Variants in DNM3 observed in about 807,000 individuals in gnomAD.
DNM3 encodes the protein dynamin 3, also known as dynamin-3.
A neutral mutation model predicts 101.6 loss-of-function variants in DNM3; 47 were observed. The observed-to-expected ratio is 0.46, with a 90% CI of 0.37 to 0.59. The LOEUF (loss-of-function observed/expected upper bound fraction) is 0.59. DNM3 is among the 20% of genes least tolerant of loss of function. The probability of loss-of-function intolerance (pLI) is 0.00; values close to 1 mark genes in which losing one functional copy is unlikely to be tolerated. For synonymous variants in DNM3, 385 were observed against 387.9 expected, an observed-to-expected ratio of 0.99 and a Z score of 0.09; for missense variants, 849 against 1,085.7, an observed-to-expected ratio of 0.78 and a Z score of 3.06.
chr1:172,094,558 C>T (rs2054120498), intron 13 of DNM3, among the ~76,000 whole-genome samples: 2 of 152,212 alleles, frequency 1.3e-5, no homozygotes, highest in Non-Finnish European at 2.9e-5. Flanking sequence ...CCTGAGTTTG[C>T]TCAGCTGTGT....
intron 13 of DNM3, among the ~76,000 whole-genome samples, chr1:172,123,755 T>A (rs1255864890): frequency 6.6e-6 from 1 of 152,152 alleles, no homozygotes; most frequent in Non-Finnish European, 1.5e-5. Context: ...CAAGAGTGCC[T>A]CTCCATTCCT....
At chr1:171,987,878 G>A (rs901071139) in intron 3 of DNM3, 73 bp downstream of exon 3, 7 of 1,375,584 alleles carry the variant, frequency 5.1e-6, no homozygotes, top group Non-Finnish European at 6.7e-6. Context: ...TACATCATTT[G>A]TACAGAAGAT....
downstream of DNM3, among the ~76,000 whole-genome samples, chr1:172,416,813 C>T (rs2071443444): frequency 6.6e-6 from 1 of 152,306 alleles, no homozygotes; most frequent in Non-Finnish European, 1.5e-5. Flanking sequence ...TACCCATTAC[C>T]TGGATCTCTA....
At chr1:172,293,547 T>G (rs1158819471) in intron 15 of DNM3, among the ~76,000 whole-genome samples, 1 of 152,210 alleles carries the variant, frequency 6.6e-6, no homozygotes, top group African/African-American at 2.4e-5. Context: ...CAGTACAAAT[T>G]GCTGTGGGTT....
intron 14 of DNM3, among the ~76,000 whole-genome samples, chr1:172,188,543 C>T (rs1259474187): frequency 6.6e-6 from 1 of 152,058 alleles, no homozygotes. Context: ...ATTCCATTGT[C>T]TGGTTGTACC....
In DNM3 at chr1:172,245,088, T is replaced by C. The variant is rs539044879; in HGVS notation, c.1660-8485T>C. ...CCAGCCCAGGAGGGGGCTGTTCATATGTTCATTCAGCAAGTGTTTGCTGAA... is the reference window on the plus strand; with the variant it reads ...CCAGCCCAGGAGGGGGCTGTTCATACGTTCATTCAGCAAGTGTTTGCTGAA... On this transcript the variant is annotated intron_variant, in intron 14 of 20. Coordinates refer to ENST00000627582, the MANE Select transcript of DNM3 (RefSeq NM_015569.5). 7.8e-4 allele frequency among the ~76,000 whole-genome samples: 119 copies of C among 152,314 alleles called. 1 individual carries two copies. The highest frequency in any genetic ancestry group is 6.8e-3 in the Middle Eastern group (2 of 294).
chr1:172,004,216 A>G (rs1332949711), intron 4 of DNM3, among the ~76,000 whole-genome samples: 1 of 152,088 alleles, frequency 6.6e-6, no homozygotes, highest in Non-Finnish European at 1.5e-5. Context: ...GAAGAATAGC[A>G]ATGTGTTCCT....
chr1:172,086,192 T>A (rs2053518766), intron 12 of DNM3, among the ~76,000 whole-genome samples: 1 of 152,194 alleles, frequency 6.6e-6, no homozygotes, highest in Admixed American at 6.5e-5. Flanking sequence ...GGTAAGTGAT[T>A]CTTCTTTTGC....
At chr1:172,065,454 C>T (rs1380956029) in intron 10 of DNM3, among the ~76,000 whole-genome samples, 2 of 152,144 alleles carry the variant, frequency 1.3e-5, no homozygotes, top group South Asian at 2.1e-4. Flanking sequence ...CTCAGGTTTG[C>T]ACTAGTCAAG....
chr1:172,289,626 A>C, intron 15 of DNM3: 1 of 979,126 alleles, frequency 1.0e-6, no homozygotes, highest in African/African-American at 1.7e-5. Context: ...ATAATTTTCC[A>C]ACTTGCTCAA....
At chr1:171,906,550 C>T (rs1319304664) in intron 1 of DNM3, among the ~76,000 whole-genome samples, 2 of 151,960 alleles carry the variant, frequency 1.3e-5, no homozygotes, top group Non-Finnish European at 2.9e-5. Context: ...TGATAATGTA[C>T]TTTAACTTGA....
intron 14 of DNM3, among the ~76,000 whole-genome samples, chr1:172,206,917 C>G (rs1431114691): frequency 6.6e-6 from 1 of 152,062 alleles, no homozygotes; most frequent in Non-Finnish European, 1.5e-5. Flanking sequence ...TTTGTCACTA[C>G]TCCTCTGAGT....
intron 1 of DNM3, among the ~76,000 whole-genome samples, chr1:171,880,362 CTA>C (rs1436840815): frequency 5.9e-5 from 9 of 152,174 alleles, no homozygotes; most frequent in African/African-American, 1.9e-4. Context: ...TCAGGTATCT[CTA>C]TGTATTTGTA....
chr1:172,192,697 G>A (rs1463616665), intron 14 of DNM3, among the ~76,000 whole-genome samples: 2 of 151,826 alleles, frequency 1.3e-5, no homozygotes, highest in Non-Finnish European at 1.5e-5. Flanking sequence ...TCCTACAAAG[G>A]ACATGAACTC....
At chr1:171,860,248 C>T (rs941488477) in intron 1 of DNM3, among the ~76,000 whole-genome samples, 10 of 152,030 alleles carry the variant, frequency 6.6e-5, no homozygotes, top group African/African-American at 1.4e-4. Flanking sequence ...AAAAATATAA[C>T]GAATTCAGTT....
At chr1:172,148,194 C>T (rs1004953199) in intron 14 of DNM3, among the ~76,000 whole-genome samples, 1 of 152,028 alleles carries the variant, frequency 6.6e-6, no homozygotes, top group Non-Finnish European at 1.5e-5. Context: ...TGCGCTTTCA[C>T]AGTTTTGTAC....
At position 171,998,202 on chromosome 1, in the gene DNM3, A is replaced by G. The variant is rs748754542; in HGVS notation, c.589+9054A>G. Among the ~76,000 whole-genome samples, 183 of 151,614 alleles carry G rather than the reference A, an allele frequency of 1.2e-3. 1 individual carries two copies. Among genetic ancestry groups the G allele is most frequent in the Non-Finnish European group, 2.2e-3 (151 of 67,896 alleles). On this transcript the variant is annotated intron_variant, in intron 4 of 20. Transcript: ENST00000627582. The stretch of plus-strand genomic sequence containing the variant: ...TTTATTCAGCGATAATCATGAACAC[A>G]TGTTAGACTTAAAAAATATAAAGAA...
intron 10 of DNM3, among the ~76,000 whole-genome samples, chr1:172,059,008 G>A (rs1352044343): frequency 6.6e-6 from 1 of 152,030 alleles, no homozygotes; most frequent in African/African-American, 2.4e-5. Context: ...AATGATAAAG[G>A]GGATATCACC....
chr1:172,225,789 C>G (rs950363860), intron 14 of DNM3, among the ~76,000 whole-genome samples: 2 of 151,686 alleles, frequency 1.3e-5, no homozygotes, highest in African/African-American at 2.4e-5. Flanking sequence ...TCTTATCTCA[C>G]CATTCAGAGA....
Sources: allele counts gnomAD v4.1 joint callset (sites outside exome capture counted in the v4.1 genomes callset), GRCh38; gene constraint gnomAD v4.1.1; transcripts MANE v1.5; gene names NCBI Gene and HGNC (gene_info 2026-07-23, HGNC 2026-07-21).